The following OR7E24 variants were observed in gnomAD, a reference collection of about 807,000 sequenced individuals.
OR7E24 encodes olfactory receptor 7E24.
For missense variants in OR7E24, 385 were observed against 410.3 expected (o/e 0.94, Z 0.53); for synonymous variants, 130 against 157.5 (o/e 0.83, Z 1.31).
chr19:9,219,071 A>G, the OR7E24 span: 1 of 152,172 alleles, frequency 6.6e-6, no homozygotes, highest in Non-Finnish European at 1.5e-5. Flanking sequence ...TAAATAAGTC[A>G]CCATCTCCAC....
chr19:9,237,924 T>C, the OR7E24 span, among the ~76,000 whole-genome samples: 1 of 152,160 alleles, frequency 6.6e-6, no homozygotes, highest in Non-Finnish European at 1.5e-5. Flanking sequence ...CATTGAACAT[T>C]TCCAGCAATG....
At chr19:9,212,923 T>G in the OR7E24 span, 13 of 152,164 alleles carry the variant, frequency 8.5e-5, no homozygotes, top group Non-Finnish European at 1.6e-4. Context: ...CCGAAAATTT[T>G]ATATCACTGT....
chr19:9,215,442 G>A, the OR7E24 span, among the ~76,000 whole-genome samples: 21 of 150,888 alleles, frequency 1.4e-4, no homozygotes, highest in African/African-American at 5.1e-4. Context: ...CTTCTTTGGT[G>A]TGAATCTTCC....
the OR7E24 span, among the ~76,000 whole-genome samples, chr19:9,223,238 C>T: frequency 6.6e-6 from 1 of 152,162 alleles, no homozygotes; most frequent in Non-Finnish European, 1.5e-5. Flanking sequence ...GGGTGTTCTG[C>T]TATTGTCTCT....
chr19:9,223,734 C>CTTT, the OR7E24 span, among the ~76,000 whole-genome samples: 5 of 135,652 alleles, frequency 3.7e-5, no homozygotes, highest in East Asian at 4.3e-4. Flanking sequence ...TTTTTCTCTT[C>CTTT]TTTTTTTTTT....
chr19:9,238,731 G>A, the OR7E24 span, among the ~76,000 whole-genome samples: 6 of 152,082 alleles, frequency 3.9e-5, no homozygotes, highest in Non-Finnish European at 7.4e-5. Context: ...GTTTTTATGA[G>A]TTTGACTTGT....
At chr19:9,239,800 C>T in the OR7E24 span, among the ~76,000 whole-genome samples, 3 of 151,012 alleles carry the variant, frequency 2.0e-5, no homozygotes, top group Non-Finnish European at 4.4e-5. Flanking sequence ...CCTCCGCCTC[C>T]CAGCTTCAAG....
the OR7E24 span, chr19:9,214,140 C>G: frequency 6.2e-7 from 1 of 1,614,056 alleles, no homozygotes. Flanking sequence ...TTTGTACTTG[C>G]CCTTGGTGGA....
chr19:9,243,472 G>A (rs1448173237), upstream of OR7E24, among the ~76,000 whole-genome samples: 3 of 151,912 alleles, frequency 2.0e-5, no homozygotes, highest in East Asian at 5.8e-4. Context: ...GGGACTACAG[G>A]CATGCATCAT....
the OR7E24 span, among the ~76,000 whole-genome samples, chr19:9,228,083 G>A: frequency 6.6e-6 from 1 of 152,112 alleles, no homozygotes; most frequent in South Asian, 2.1e-4. Context: ...AGGTCTGTGA[G>A]GAATCATCAC....
chr19:9,211,089 G>C, the OR7E24 span: 1 of 152,300 alleles, frequency 6.6e-6, no homozygotes, highest in African/African-American at 2.4e-5. Context: ...CTGGTAGAAG[G>C]ATAGGCCTGG....
Position 9,251,893 on chromosome 19 carries a change from C to T in OR7E24, c.850C>T (p.Pro284Ser). The T allele has an allele frequency of 6.2e-7, 1 of 1,614,096 alleles. No individual in the cohort carries two copies. Among genetic ancestry groups the T allele is most frequent in the Non-Finnish European group, 8.5e-7 (1 of 1,180,020 alleles). Residue 284 changes from proline (P) to serine (S), a missense_variant, in exon 1 of 1, where the codon CCA (proline) becomes TCA (serine). Pro to Ser is a moderately conservative substitution (Grantham distance 74). Transcript: ENST00000456448. ...AGGGTACCTCAGTTCAGCTGTGTTA[C>T]CATCCCCCAGGAAGAGTATGGTGGC... is the stretch of plus-strand genomic sequence containing the variant. ...LVGYLSSAVL[P>S]SPRKSMVASV...
At chr19:9,245,451 T>A (rs917877903), upstream of OR7E24, among the ~76,000 whole-genome samples, 1 of 152,084 alleles carries the variant, frequency 6.6e-6, no homozygotes, top group African/African-American at 2.4e-5. Context: ...CACAGGGCTA[T>A]GGAAATGTAA....
At position 9,250,992 on chromosome 19, in the gene OR7E24, C is replaced by T. The variant is rs2066143704; in HGVS notation, c.-52C>T. The T allele has an allele frequency of 1.5e-6, 2 of 1,359,766 alleles. No homozygotes were observed. The highest frequency in any genetic ancestry group is 2.0e-6 in the Non-Finnish European group (2 of 1,008,854). 84.2% of individuals were successfully genotyped at this position (1,359,766 alleles called of 1,614,324 possible). ...ATAATCCTATGTGAAAACTTAATTTCTTAATTGCTTGTATCCAAAATATAG... is the reference window on the plus strand; with the variant it reads ...ATAATCCTATGTGAAAACTTAATTTTTTAATTGCTTGTATCCAAAATATAG... On this transcript the variant is annotated 5_prime_UTR_variant, in exon 1 of 1. Transcript: ENST00000456448.
chr19:9,243,779 C>T (rs1283106325), upstream of OR7E24, among the ~76,000 whole-genome samples: 1 of 152,180 alleles, frequency 6.6e-6, no homozygotes, highest in Non-Finnish European at 1.5e-5. Flanking sequence ...GGATTCACCT[C>T]AGAGGGTTTA....
the OR7E24 span, among the ~76,000 whole-genome samples, chr19:9,218,558 G>C: frequency 6.6e-6 from 1 of 152,174 alleles, no homozygotes; most frequent in Non-Finnish European, 1.5e-5. Flanking sequence ...ACAGTAAGGG[G>C]TTTAAATTCC....
At chr19:9,223,504 T>G in the OR7E24 span, among the ~76,000 whole-genome samples, 3 of 152,206 alleles carry the variant, frequency 2.0e-5, no homozygotes, top group African/African-American at 7.2e-5. Flanking sequence ...ATCATTTTCT[T>G]TCAAAGCCCA....
upstream of OR7E24, among the ~76,000 whole-genome samples, chr19:9,245,939 G>A (rs1190698563): frequency 6.6e-6 from 1 of 152,030 alleles, no homozygotes; most frequent in Non-Finnish European, 1.5e-5. Flanking sequence ...ACGGACTGGT[G>A]GCTGACTCTG....
At chr19:9,215,014 T>G in the OR7E24 span, 2 of 579,130 alleles carry the variant, frequency 3.5e-6, no homozygotes. Context: ...TTATTCTATT[T>G]GTGTAGAGTT....
Sources: allele counts gnomAD v4.1 joint callset (sites outside exome capture counted in the v4.1 genomes callset), GRCh38; gene constraint gnomAD v4.1.1; transcripts MANE v1.5; gene names NCBI Gene and HGNC (gene_info 2026-07-23, HGNC 2026-07-21).